Variants in LRRC4B observed in about 807,000 individuals in gnomAD.
The protein encoded by LRRC4B is leucine-rich repeat-containing protein 4B.
In LRRC4B, 1 loss-of-function variant was observed where a neutral mutation model predicts 7.3. That is an observed-to-expected ratio of 0.14 (90% CI 0.05 to 0.65). The LOEUF (loss-of-function observed/expected upper bound fraction) is 0.65. LRRC4B is among the 30% of genes least tolerant of loss of function. The pLI is 0.84. For synonymous variants in LRRC4B, 500 were observed against 499.2 expected (o/e 1.00, Z -0.02); for missense variants, 730 against 1,041.6 (o/e 0.70, Z 4.12).
intron 2 of LRRC4B, among the ~76,000 whole-genome samples, chr19:50,524,859 G>T (rs940310419): frequency 6.6e-6 from 1 of 152,214 alleles, no homozygotes; most frequent in African/African-American, 2.4e-5. Context: ...TGCCCTGTGA[G>T]ATGCTGCGGG....
intron 2 of LRRC4B, among the ~76,000 whole-genome samples, chr19:50,524,818 G>A (rs1030294725): frequency 4.6e-5 from 7 of 152,180 alleles, no homozygotes; most frequent in African/African-American, 1.7e-4. Context: ...TGCAGTCCCC[G>A]AGCCCAGCCA....
intron 2 of LRRC4B, among the ~76,000 whole-genome samples, chr19:50,536,457 C>T (rs751323253): frequency 1.3e-5 from 2 of 152,170 alleles, no homozygotes; most frequent in African/African-American, 4.8e-5. Flanking sequence ...TTCTGAACGA[C>T]CTCTTTCTGC....
chr19:50,523,957 TAAA>T (rs574618168), intron 2 of LRRC4B, among the ~76,000 whole-genome samples: 1 of 134,624 alleles, frequency 7.4e-6, no homozygotes, highest in Admixed American at 7.5e-5. Context: ...AGACTCTGTC[TAAA>T]AAAAAAAAAA....
At chr19:50,558,563 G>A (rs1171406894) in intron 1 of LRRC4B, among the ~76,000 whole-genome samples, 27 of 152,206 alleles carry the variant, frequency 1.8e-4, no homozygotes, top group Non-Finnish European at 5.9e-5. Flanking sequence ...CTGTCAAACA[G>A]ACTCTCTGCA....
Position 50,519,885 on chromosome 19 carries a change from A to C in LRRC4B, c.298-470T>G, listed in dbSNP as rs79742410. On this transcript the variant is annotated intron_variant, in intron 2 of 2. Coordinates refer to ENST00000652263, the MANE Select transcript of LRRC4B (RefSeq NM_001080457.2). The surrounding 1 kb of genome is among the most constrained non-coding windows in gnomAD (Gnocchi z 8.1). ...AAGACTCCATGTAGAAACAAACAAA[A>C]AAACTGGATTCAAGAATTTTGGGGG... Among the ~76,000 whole-genome samples the C allele has an allele frequency of 0.054, 8,147 of 149,996 alleles. 287 individuals carry two copies. Among genetic ancestry groups the C allele is most frequent in the Admixed American group, 0.09 (1,363 of 15,064 alleles).
intron 1 of LRRC4B, among the ~76,000 whole-genome samples, chr19:50,552,559 T>C (rs990782070): frequency 2.8e-4 from 43 of 151,650 alleles, no homozygotes; most frequent in African/African-American, 9.5e-4. Flanking sequence ...CATCCGTCCA[T>C]CCATCCGTCC....
At chr19:50,543,110 G>A (rs1981626611) in intron 2 of LRRC4B, among the ~76,000 whole-genome samples, 1 of 152,108 alleles carries the variant, frequency 6.6e-6, no homozygotes, top group South Asian at 2.1e-4. Context: ...CAGGAGTTCG[G>A]GAGCTGGCCT....
At chr19:50,532,452 G>A (rs575850496) in intron 2 of LRRC4B, among the ~76,000 whole-genome samples, 1 of 152,238 alleles carries the variant, frequency 6.6e-6, no homozygotes, top group South Asian at 2.1e-4. Flanking sequence ...CCCTCTCCTT[G>A]ACTCTAGCCA....
chr19:50,565,658 A>C (rs1210540034), intron 1 of LRRC4B, among the ~76,000 whole-genome samples: 1 of 151,692 alleles, frequency 6.6e-6, no homozygotes, highest in Non-Finnish European at 1.5e-5. Context: ...TCCCTCTGAC[A>C]AGTCAGAAGC....
chr19:50,543,335 G>GGGGTGTGTGTGTGT (rs1555807804), intron 2 of LRRC4B, among the ~76,000 whole-genome samples: 3 of 145,194 alleles, frequency 2.1e-5, no homozygotes, highest in African/African-American at 7.8e-5. Context: ...GCCAGGCCCT[G>GGGGTGTGTGTGTGT]GTGTGTGTGT....
intron 2 of LRRC4B, among the ~76,000 whole-genome samples, chr19:50,521,999 G>A (rs1285527817): frequency 6.6e-6 from 1 of 152,102 alleles, no homozygotes; most frequent in Non-Finnish European, 1.5e-5. Flanking sequence ...AACAAAGCAA[G>A]ACCCCTGTCT....
At chr19:50,554,380 A>T (rs1982202038) in intron 1 of LRRC4B, among the ~76,000 whole-genome samples, 1 of 151,950 alleles carries the variant, frequency 6.6e-6, no homozygotes, top group Non-Finnish European at 1.5e-5. Context: ...CCCCAGCACC[A>T]CCCGGATGGC....
intron 2 of LRRC4B, among the ~76,000 whole-genome samples, chr19:50,542,111 A>G (rs1439179474): frequency 1.3e-5 from 2 of 152,242 alleles, no homozygotes; most frequent in African/African-American, 2.4e-5. Context: ...CAAGCAAAAA[A>G]TCCACAGTAA....
At chr19:50,538,463 T>G (rs1234345986) in intron 2 of LRRC4B, among the ~76,000 whole-genome samples, 1 of 151,976 alleles carries the variant, frequency 6.6e-6, no homozygotes, top group Non-Finnish European at 1.5e-5. Context: ...GCCTGGAAAA[T>G]GCGAACTAGT....
chr19:50,558,072 G>A (rs1260103222), intron 1 of LRRC4B: 1 of 151,994 alleles, frequency 6.6e-6, no homozygotes, highest in African/African-American at 2.4e-5. Flanking sequence ...TTATTGGTAG[G>A]GTGTCCAATC....
Position 50,526,349 on chromosome 19 carries a change from T to C in LRRC4B, c.298-6934A>G, listed in dbSNP as rs190599680. ...CTTTTTTCCTGGATACCTCCCTGCA[T>C]CTGTCCTTCAACACCTAGTTCCAGG... On this transcript the variant is annotated intron_variant, in intron 2 of 2. Transcript: ENST00000652263. 3.9e-3 allele frequency among the ~76,000 whole-genome samples: 590 copies of C among 152,274 alleles called. 1 individual carries two copies. The highest frequency in any genetic ancestry group is 6.1e-3 in the Non-Finnish European group (415 of 68,010).
chr19:50,517,607 G>A lies in LRRC4B; in HGVS notation c.2106C>T (p.Ser702=), dbSNP rs910637578. The change falls in exon 3 of 3, where the codon AGC becomes AGT. Residue 702 remains serine (S), a synonymous_variant. Transcript: ENST00000652263. The surrounding 1 kb of genome is among the most constrained non-coding windows in gnomAD (Gnocchi z 6.6). ...TCTCTTGCACGTTCTCCTTGGAGCC[G>A]CTCTTGAAGAGCAGAGGTTCGTGGA... ...NSIHEPLLFK[S]GSKENVQETQ... is the part of the protein sequence containing the mutation. The A allele has an allele frequency of 4.1e-6, 6 of 1,465,130 alleles. No individual in the cohort carries two copies. The highest frequency in any genetic ancestry group is 5.4e-5 in the Admixed American group (2 of 37,218). 90.8% of individuals were successfully genotyped at this position (1,465,130 alleles called of 1,614,324 possible).
intron 2 of LRRC4B, among the ~76,000 whole-genome samples, chr19:50,544,879 A>T (rs902037925): frequency 1.3e-5 from 2 of 151,426 alleles, no homozygotes; most frequent in African/African-American, 4.9e-5. Flanking sequence ...ACATAGTGAG[A>T]CCCTGTCTTC....
intron 2 of LRRC4B, among the ~76,000 whole-genome samples, chr19:50,541,763 C>T (rs570709621): frequency 1.3e-4 from 20 of 152,286 alleles, no homozygotes; most frequent in South Asian, 4.2e-4. Context: ...TCCTACGGCC[C>T]GGCAATTCCC....
Sources: gnomAD v4.1 joint callset for allele counts (sites outside exome capture counted in the v4.1 genomes callset) on GRCh38, gnomAD v4.1.1 for gene constraint, Gnocchi (gnomAD v3.1) non-coding constraint, MANE v1.5 for transcripts, NCBI Gene and HGNC (gene_info 2026-07-23, HGNC 2026-07-21) for gene names.